Variants in TRAK1 observed in about 807,000 individuals in gnomAD.
The protein encoded by TRAK1 is trafficking kinesin protein 1.
In TRAK1, 33 loss-of-function variants were observed where a neutral mutation model predicts 92.1. The ratio of observed to expected loss-of-function variants is 0.36; its 90% confidence interval spans 0.27 to 0.48. The LOEUF is 0.48. Ranked by LOEUF, TRAK1 falls within the 20% of genes least tolerant of loss-of-function variation. The pLI, the probability that TRAK1 is intolerant of heterozygous loss-of-function variation, is 0.99. For missense variants in TRAK1, 1,123 were observed against 1,257.9 expected, an observed-to-expected ratio of 0.89 and a Z score of 1.62; for synonymous variants, 521 against 517.3, an observed-to-expected ratio of 1.01 and a Z score of -0.10.
At chr3:42,050,446 C>T (rs1239662771) in intron 1 of TRAK1, among the ~76,000 whole-genome samples, 1 of 152,036 alleles carries the variant, frequency 6.6e-6, no homozygotes, top group East Asian at 1.9e-4. Flanking sequence ...GCCTGATTCT[C>T]CCTTACTACC....
intron 3 of TRAK1, among the ~76,000 whole-genome samples, chr3:42,183,737 A>G (rs1417253749): frequency 6.6e-6 from 1 of 152,098 alleles, no homozygotes; most frequent in Admixed American, 6.6e-5. Flanking sequence ...TTCAAACCAG[A>G]TGAGCAGAGT....
At chr3:42,056,953 A>G (rs1465333402) in intron 1 of TRAK1, among the ~76,000 whole-genome samples, 1 of 152,240 alleles carries the variant, frequency 6.6e-6, no homozygotes, top group Non-Finnish European at 1.5e-5. Context: ...CCTCAGTTAG[A>G]GGAGCCAGTT....
At chr3:42,220,298 G>A (rs944238040) in intron 15 of TRAK1, among the ~76,000 whole-genome samples, 1 of 152,166 alleles carries the variant, frequency 6.6e-6, no homozygotes, top group Non-Finnish European at 1.5e-5. Context: ...GGACTTGTCT[G>A]GTGTGAGTTG....
chr3:42,033,468 G>A (rs897998583), intron 1 of TRAK1, among the ~76,000 whole-genome samples: 1 of 152,064 alleles, frequency 6.6e-6, no homozygotes, highest in African/African-American at 2.4e-5. Context: ...ACACGCCTGT[G>A]GTCTTAGCTA....
chr3:42,212,169 A>C lies in TRAK1; in HGVS notation c.1963+2184A>C, dbSNP rs930886198. ...AGTAGCTCTATGCCTGCAATCATGG[A>C]GACACAGGCAGACAGATAAGCTTCA... On this transcript the variant is annotated intron_variant, in intron 14 of 15. Coordinates refer to ENST00000327628, the MANE Select transcript of TRAK1 (RefSeq NM_001042646.3). The C allele has an allele frequency of 1.6e-5, 16 of 985,290 alleles. No homozygotes were observed. In the African/African-American group the frequency reaches 2.8e-4, roughly 17 times the overall value. 61.0% of individuals were successfully genotyped at this position (985,290 alleles called of 1,614,324 possible). A position where few individuals can be genotyped will look rare whatever the true frequency, so the allele number is the denominator to read the frequency against.
rs2029123 is a variant in TRAK1, at chr3:42,224,176, G to A, written c.*439G>A. On this transcript the variant is annotated 3_prime_UTR_variant, in exon 16 of 16. Coordinates refer to ENST00000327628, the MANE Select transcript of TRAK1 (RefSeq NM_001042646.3). ...GGTCATAACACATCTGGGTGTCATC[G>A]GACACCTCACCTCGCCCACCCTGTA... The A allele has an allele frequency of 9.1e-6, 4 of 440,310 alleles. No individual in the cohort carries two copies. The highest frequency in any genetic ancestry group is 6.6e-5 in the South Asian group (4 of 61,018). 27.3% of individuals were successfully genotyped at this position (440,310 alleles called of 1,614,324 possible).
intron 1 of TRAK1, among the ~76,000 whole-genome samples, chr3:42,023,945 G>T (rs896106471): frequency 6.6e-6 from 1 of 151,864 alleles, no homozygotes; most frequent in Non-Finnish European, 1.5e-5. Context: ...AGTAGGGATG[G>T]GGTTTCGCCA....
intron 1 of TRAK1, among the ~76,000 whole-genome samples, chr3:42,115,482 G>A (rs893143458): frequency 2.6e-5 from 4 of 152,164 alleles, no homozygotes; most frequent in African/African-American, 9.7e-5. Context: ...TGCTTCTTTG[G>A]GGGTATGTGT....
intron 1 of TRAK1, among the ~76,000 whole-genome samples, chr3:42,077,412 C>G (rs1704210540): frequency 1.3e-5 from 2 of 152,206 alleles, no homozygotes; most frequent in Admixed American, 6.5e-5. Context: ...CCTCAGCCTC[C>G]CAAGTAGCTG....
At chr3:42,060,995 CTAAA>C (rs1160166486) in intron 1 of TRAK1, among the ~76,000 whole-genome samples, 1 of 150,464 alleles carries the variant, frequency 6.6e-6, no homozygotes, top group Non-Finnish European at 1.5e-5. Flanking sequence ...TCATTTAGGG[CTAAA>C]TAAACTGACC....
At chr3:42,214,836 T>TG (rs1189441414) in intron 14 of TRAK1, among the ~76,000 whole-genome samples, 1 of 152,166 alleles carries the variant, frequency 6.6e-6, no homozygotes, top group East Asian at 1.9e-4. Flanking sequence ...GTTGAAGAAA[T>TG]GCTTAAGCAG....
chr3:42,022,388 G>A (rs1048215066), intron 1 of TRAK1, among the ~76,000 whole-genome samples: 1 of 152,198 alleles, frequency 6.6e-6, no homozygotes, highest in Non-Finnish European at 1.5e-5. Flanking sequence ...TGCAGTAGAT[G>A]TTTTATACTG....
chr3:42,196,704 AT>A (rs35460407), intron 10 of TRAK1, among the ~76,000 whole-genome samples: 105,565 of 142,060 alleles, frequency 0.74, 39,182 homozygotes, highest in East Asian at 0.98. Context: ...CGCCCGGCTA[AT>A]TTTTTTTTTT....
chr3:42,086,188 C>A (rs1040077541), upstream of TRAK1, among the ~76,000 whole-genome samples: 2 of 152,184 alleles, frequency 1.3e-5, no homozygotes, highest in East Asian at 1.9e-4. Context: ...CTGTTGCCGG[C>A]GCAGAGCGGA....
upstream of TRAK1, among the ~76,000 whole-genome samples, chr3:42,083,230 G>T (rs1704517507): frequency 6.6e-6 from 1 of 152,110 alleles, no homozygotes; most frequent in Non-Finnish European, 1.5e-5. Context: ...CTTAAACTGG[G>T]TGTGTATGTG....
chr3:42,188,959 G>A (rs1008634839), intron 5 of TRAK1, 57 bp from the exon 6 acceptor site: 1 of 1,273,950 alleles, frequency 7.8e-7, no homozygotes, highest in East Asian at 2.3e-5. Flanking sequence ...CACATGGTTT[G>A]CCAGGTGGTG....
chr3:42,174,755 C>G (rs1165232233), intron 2 of TRAK1, among the ~76,000 whole-genome samples: 4 of 148,478 alleles, frequency 2.7e-5, no homozygotes, highest in Non-Finnish European at 3.0e-5. Context: ...TTAGTGGAGA[C>G]AGGGTTTTGC....
At chr3:42,084,348 C>G (rs1704572720), upstream of TRAK1, among the ~76,000 whole-genome samples, 1 of 152,056 alleles carries the variant, frequency 6.6e-6, no homozygotes, top group African/African-American at 2.4e-5. Context: ...ACCTGTAATC[C>G]CAGCTACTTG....
chr3:42,041,798 TTTTC>T lies in TRAK1; in HGVS notation c.-519+27685_-519+27688del, dbSNP rs1234739969. Among the ~76,000 whole-genome samples the T allele has an allele frequency of 2.5e-5, 3 of 121,370 alleles. No homozygotes were observed. In the East Asian group the frequency reaches 7.9e-4, roughly 32 times the overall value. 79.6% of individuals were successfully genotyped at this position (121,370 alleles called of 152,430 possible). ...TCTATTTCTATTGTTTTTTTTTTTCTTTTCTTTTCTTTTTGAGACGGAGTCTCGC... is the reference window on the plus strand; with the variant it reads ...TCTATTTCTATTGTTTTTTTTTTTCTTTTTCTTTTTGAGACGGAGTCTCGC... On this transcript the variant is annotated intron_variant, in intron 1 of 16. Coordinates refer to the TRAK1 transcript ENST00000487159.
Sources: allele counts gnomAD v4.1 joint callset (sites outside exome capture counted in the v4.1 genomes callset), GRCh38; gene constraint gnomAD v4.1.1; transcripts MANE v1.5; gene names NCBI Gene and HGNC (gene_info 2026-07-23, HGNC 2026-07-21).